The following CELF5 variants were observed in gnomAD, a reference collection of about 807,000 sequenced individuals.
CELF5 encodes the protein CUGBP Elav-like family member 5, also known as CUG-BP and ETR-3 like factor 5.
CELF5 carries 6 observed loss-of-function variants against 54.9 expected under a neutral mutation model. That is an observed-to-expected ratio of 0.11 (90% CI 0.06 to 0.22). The LOEUF is 0.22. Ranked by LOEUF, CELF5 falls within the 10% of genes least tolerant of loss-of-function variation. CELF5 has a pLI of 1.00. For synonymous variants in CELF5, 271 were observed against 290.9 expected, an observed-to-expected ratio of 0.93 and a Z score of 0.70; for missense variants, 401 against 678.6, an observed-to-expected ratio of 0.59 and a Z score of 4.54.
chr19:3,266,021 G>C (rs922705113), intron 2 of CELF5, among the ~76,000 whole-genome samples: 3 of 152,070 alleles, frequency 2.0e-5, no homozygotes, highest in African/African-American at 7.2e-5. Context: ...TGGTAAGGCT[G>C]GTCTCGAACT....
chr19:3,266,314 A>T (rs532588530), intron 2 of CELF5, among the ~76,000 whole-genome samples: 1 of 151,972 alleles, frequency 6.6e-6, no homozygotes, highest in East Asian at 1.9e-4. Context: ...GCTAGTCTTC[A>T]GTTTGGTCCC....
Position 3,224,921 on chromosome 19 carries a change from T to C in CELF5, c.182T>C (p.Leu61Pro). 6.2e-7 allele frequency: 1 copy of C among 1,607,472 alleles called. No homozygotes were observed. Among genetic ancestry groups the C allele is most frequent in the South Asian group, 1.1e-5 (1 of 90,144 alleles). The change falls in exon 1 of 13, where the codon CTC becomes CCC. Residue 61 changes from leucine (L) to proline (P), a missense_variant. By Grantham distance (98) the Leu-to-Pro change is moderately conservative. Around this residue, in one of 6 missense-constraint regions of CELF5, gnomAD observed 66 missense variants for 132.3 expected, o/e 0.50. Coordinates refer to ENST00000292672, the MANE Select transcript of CELF5 (RefSeq NM_021938.4). The stretch of plus-strand genomic sequence containing the variant: ...CCGCGGCACCTGGACGAGAAGGACC[T>C]CAAGCCGCTCTTCGAGCAGTTCGGC... ...QIPRHLDEKDLKPLFEQFGRI... is the reference protein window; with the variant it reads ...QIPRHLDEKDPKPLFEQFGRI...
In CELF5 at chr19:3,282,467, C is replaced by A; in HGVS notation, c.1008C>A (p.Thr336=). The stretch of plus-strand genomic sequence containing the variant: ...CAGGTGGGCACCCTGCCCTGGAAAC[C>A]GTCTATGCCAATGGCCTTGTGCCCT... ...PFPGGHPALE[T]VYANGLVPYP... The change falls in exon 8 of 13, where the codon ACC becomes ACA. Residue 336 remains threonine (T), a synonymous_variant. Transcript: ENST00000292672. This position sits in a 1 kb window ranked among gnomAD's most constrained non-coding sequence, Gnocchi z 5.2. 1.9e-6 allele frequency: 3 copies of A among 1,613,704 alleles called. No homozygotes were observed. The highest frequency in any genetic ancestry group is 2.5e-6 in the Non-Finnish European group (3 of 1,180,000).
chr19:3,253,192 G>GC, intron 2 of CELF5, among the ~76,000 whole-genome samples: 1 of 152,150 alleles, frequency 6.6e-6, no homozygotes, highest in East Asian at 1.9e-4. Flanking sequence ...ACAGATTAGT[G>GC]CCCAGGGGCA....
intron 12 of CELF5, chr19:3,295,879 G>A: frequency 6.6e-6 from 1 of 152,008 alleles, no homozygotes. Context: ...GAGCCCCCCT[G>A]CCCCTCACCA....
At chr19:3,244,478 CTG>C (rs1188376642) in intron 1 of CELF5, among the ~76,000 whole-genome samples, 1 of 139,150 alleles carries the variant, frequency 7.2e-6, no homozygotes, top group Admixed American at 7.3e-5. Context: ...GTGCATGCAT[CTG>C]TGTGTGCGGT....
At chr19:3,250,694 C>T (rs1168176968) in intron 1 of CELF5, among the ~76,000 whole-genome samples, 2 of 152,056 alleles carry the variant, frequency 1.3e-5, no homozygotes, top group Non-Finnish European at 2.9e-5. Context: ...AATCTGATGA[C>T]TCTAGGGACC....
intron 12 of CELF5, chr19:3,295,051 G>C (rs951759442): frequency 1.1e-4 from 17 of 152,428 alleles, no homozygotes; most frequent in African/African-American, 3.4e-4. Context: ...CAGGTGAGGG[G>C]CCTTCCCATC....
intron 2 of CELF5, among the ~76,000 whole-genome samples, chr19:3,258,566 A>G (rs2145176358): frequency 6.6e-6 from 1 of 152,310 alleles, no homozygotes; most frequent in East Asian, 1.9e-4. Flanking sequence ...GGGCATATCC[A>G]CAGATCCCCA....
At chr19:3,255,312 G>T (rs987495287) in intron 2 of CELF5, among the ~76,000 whole-genome samples, 1 of 152,170 alleles carries the variant, frequency 6.6e-6, no homozygotes, top group Admixed American at 6.6e-5. Flanking sequence ...AGCCTCCTGA[G>T]TAGCTGGGAT....
chr19:3,250,884 G>GTCGCCGTATCATTAAAA, intron 1 of CELF5, 101 bp from the exon 2 acceptor site: 1 of 583,600 alleles, frequency 1.7e-6, no homozygotes, highest in South Asian at 2.9e-5. Flanking sequence ...TCTGTGGATG[G>GTCGCCGTATCATTAAAA]AAGCTTGGGT....
intron 1 of CELF5, among the ~76,000 whole-genome samples, chr19:3,243,613 G>A (rs541147716): frequency 2.0e-4 from 30 of 152,242 alleles, no homozygotes; most frequent in Admixed American, 1.5e-3. Flanking sequence ...CTGCACGTCT[G>A]TGCTGATGGG....
chr19:3,253,135 G>A (rs934292711), intron 2 of CELF5, among the ~76,000 whole-genome samples: 3 of 151,322 alleles, frequency 2.0e-5, no homozygotes, highest in Non-Finnish European at 2.9e-5. Flanking sequence ...TCCCACAACC[G>A]AACAAAAAAT....
rs2079909502 is a variant in CELF5, at chr19:3,268,165, C to T, written c.343-5707C>T. On this transcript the variant is annotated intron_variant, in intron 2 of 12. Coordinates refer to ENST00000292672, the MANE Select transcript of CELF5 (RefSeq NM_021938.4). This position sits in a 1 kb window ranked among gnomAD's most constrained non-coding sequence, Gnocchi z 4.4. The stretch of plus-strand genomic sequence containing the variant: ...AGGTGCCCGCCACCACGCCCAGCTA[C>T]TTTTTGTATTTTTAGTAGAGATGCG... 6.6e-6 allele frequency among the ~76,000 whole-genome samples: 1 copy of T among 151,908 alleles called. No homozygotes were observed. Among genetic ancestry groups the T allele is most frequent in the Admixed American group, 6.6e-5 (1 of 15,242 alleles).
intron 10 of CELF5, chr19:3,286,358 A>G (rs1362149454): frequency 2.5e-5 from 8 of 314,548 alleles, no homozygotes; most frequent in Middle Eastern, 8.5e-4. Context: ...ATGAGGTATC[A>G]GGTAATGAGG....
At chr19:3,250,840 T>A in intron 1 of CELF5, 145 bp from the exon 2 acceptor site, 1 of 630,094 alleles carries the variant, frequency 1.6e-6, no homozygotes, top group East Asian at 2.7e-5. Context: ...AATATTCCGT[T>A]GCGTGGATGC....
chr19:3,278,695 G>T lies in CELF5; in HGVS notation c.603+585G>T, dbSNP rs544626130. ...TGGGCAGGTTTGTGTGTGTGTGTGT[G>T]TGTGTTTGTGTGTGTGCATGACTGT... On this transcript the variant is annotated intron_variant, in intron 5 of 12. Coordinates refer to ENST00000292672, the MANE Select transcript of CELF5 (RefSeq NM_021938.4). This position sits in a 1 kb window ranked among gnomAD's most constrained non-coding sequence, Gnocchi z 4.5. Among the ~76,000 whole-genome samples the T allele has an allele frequency of 2.6e-5, 4 of 151,926 alleles. No individual in the cohort carries two copies. The East Asian group carries it at 7.7e-4, about 29-fold the overall frequency.
intron 1 of CELF5, among the ~76,000 whole-genome samples, chr19:3,235,369 A>G (rs74369358): frequency 0.081 from 12,163 of 150,856 alleles, 1,123 homozygotes; most frequent in East Asian, 0.45. Context: ...ATCGCTTTTA[A>G]TTTTATTTGC....
intron 10 of CELF5, among the ~76,000 whole-genome samples, chr19:3,289,336 G>C (rs200929176): frequency 6.6e-6 from 1 of 152,068 alleles, no homozygotes; most frequent in Non-Finnish European, 1.5e-5. Context: ...AAGGAGGATC[G>C]GTTGAGCCCA....
Sources: allele counts gnomAD v4.1 joint callset (sites outside exome capture counted in the v4.1 genomes callset), GRCh38; gene constraint gnomAD v4.1.1; regional missense constraint gnomAD v4.1.1; non-coding constraint Gnocchi (gnomAD v3.1); transcripts MANE v1.5; gene names NCBI Gene and HGNC (gene_info 2026-07-23, HGNC 2026-07-21).